The following TOLLIP variants were observed in gnomAD, a reference collection of about 807,000 sequenced individuals.
TOLLIP encodes toll interacting protein.
A neutral mutation model predicts 33.5 loss-of-function variants in TOLLIP; 16 were observed. That is an observed-to-expected ratio of 0.48 (90% CI 0.32 to 0.72). TOLLIP has a LOEUF of 0.72. Ranked by LOEUF, TOLLIP falls within the 30% of genes least tolerant of loss-of-function variation. The pLI is 0.03. For missense variants in TOLLIP, 325 were observed against 396.6 expected, an observed-to-expected ratio of 0.82 and a Z score of 1.53; for synonymous variants, 176 against 163.7, an observed-to-expected ratio of 1.07 and a Z score of -0.57.
chr11:1,284,940 C>G (rs754655632), intron 5 of TOLLIP, among the ~76,000 whole-genome samples: 7 of 152,108 alleles, frequency 4.6e-5, no homozygotes, highest in African/African-American at 1.4e-4. Context: ...GGCGAGGTCC[C>G]GACTCCCAAG....
At chr11:1,291,652 C>T (rs1254695392) in intron 2 of TOLLIP, among the ~76,000 whole-genome samples, 5 of 150,662 alleles carry the variant, frequency 3.3e-5, no homozygotes, top group South Asian at 2.1e-4. Context: ...TCTGAGGGCA[C>T]GGCCGCCCCG....
At chr11:1,288,592 T>C in intron 4 of TOLLIP, 32 bp downstream of exon 4, 2 of 1,586,200 alleles carry the variant, frequency 1.3e-6, no homozygotes, top group Non-Finnish European at 1.7e-6. Context: ...CATACCCCAA[T>C]GCGCCCCACC....
Position 1,304,942 on chromosome 11 carries a change from T to C in TOLLIP, c.33+4524A>G, listed in dbSNP as rs571431741. On this transcript the variant is annotated intron_variant, in intron 1 of 5. Transcript: ENST00000317204. ...CATCAAAAGACTTAGTCTTCTTAGATTTGACTTTTTAAAAATCCAGCTACG... is the reference window on the plus strand; with the variant it reads ...CATCAAAAGACTTAGTCTTCTTAGACTTGACTTTTTAAAAATCCAGCTACG... Among the ~76,000 whole-genome samples the C allele has an allele frequency of 3.3e-5, 5 of 152,372 alleles. No individual in the cohort carries two copies. In the South Asian group the frequency reaches 6.2e-4, roughly 19 times the overall value.
intron 1 of TOLLIP, among the ~76,000 whole-genome samples, chr11:1,297,541 CTT>C (rs1864147631): frequency 6.6e-6 from 1 of 152,256 alleles, no homozygotes; most frequent in African/African-American, 2.4e-5. Context: ...CTCAACCGCT[CTT>C]CTCTAAAAAG....
intron 1 of TOLLIP, chr11:1,298,454 TCC>T (rs1452265254): frequency 6.6e-6 from 1 of 152,230 alleles, no homozygotes; most frequent in African/African-American, 2.4e-5. Flanking sequence ...GCACTGTGGG[TCC>T]CTCGCTGCTC....
intron 2 of TOLLIP, among the ~76,000 whole-genome samples, chr11:1,291,448 C>T (rs1397366128): frequency 1.3e-5 from 2 of 151,680 alleles, no homozygotes; most frequent in Non-Finnish European, 2.9e-5. Flanking sequence ...GACACTGCCC[C>T]CCGACCCCCT....
Position 1,277,356 on chromosome 11 carries a change from G to A in TOLLIP, c.611-103C>T. On this transcript the variant is annotated intron_variant, in intron 5 of 5. Coordinates refer to ENST00000317204, the MANE Select transcript of TOLLIP (RefSeq NM_019009.4). The surrounding 1 kb of genome is among the most constrained non-coding windows in gnomAD (Gnocchi z 4.2). ...AACAACGCATCCCACCGGCCTCCCT[G>A]AGGAAGGGGCCACCTCGGGTCTCAG... 1.0e-6 allele frequency: 1 copy of A among 975,108 alleles called. No individual in the cohort carries two copies. The highest frequency in any genetic ancestry group is 1.5e-6 in the Non-Finnish European group (1 of 685,022). The allele number at this position is 975,108 out of a possible 1,614,324, so 60.4% of individuals were successfully genotyped here. A position where few individuals can be genotyped will look rare whatever the true frequency, so the allele number is the denominator to read the frequency against.
intron 2 of TOLLIP, among the ~76,000 whole-genome samples, chr11:1,293,039 C>G (rs533650906): frequency 6.6e-6 from 1 of 152,102 alleles, no homozygotes; most frequent in African/African-American, 2.4e-5. Flanking sequence ...AGGGGCTGAG[C>G]GGGGGCAGTG....
In TOLLIP at chr11:1,276,595, T is replaced by G. The variant is rs1863309537; in HGVS notation, c.*444A>C. 1 of 1,162,460 alleles carries G rather than the reference T, an allele frequency of 8.6e-7. No individual in the cohort carries two copies. The allele number at this position is 1,162,460 out of a possible 1,614,324, so 72.0% of individuals were successfully genotyped here. ...AGGGCGTGAGTTTTCGTCTGGGAAG[T>G]TCTAAAAAAAACCCACAGTGTGAGG... On this transcript the variant is annotated 3_prime_UTR_variant, in exon 6 of 6. Transcript: ENST00000317204.
chr11:1,281,335 C>T (rs1564965042), intron 5 of TOLLIP, among the ~76,000 whole-genome samples: 1 of 152,182 alleles, frequency 6.6e-6, no homozygotes, highest in Non-Finnish European at 1.5e-5. Flanking sequence ...GACCTCAGCG[C>T]CCCGGCTTCT....
chr11:1,290,266 G>A lies in TOLLIP; in HGVS notation c.327C>T (p.Pro109=). 1 of 1,613,548 alleles carries A rather than the reference G, an allele frequency of 6.2e-7. No individual in the cohort carries two copies. Among genetic ancestry groups the A allele is most frequent in the African/African-American group, 1.3e-5 (1 of 75,068 alleles). The change falls in exon 3 of 6, where the codon CCC becomes CCT. Residue 109 remains proline (P), a synonymous_variant. Transcript: ENST00000317204. This position sits in a 1 kb window ranked among gnomAD's most constrained non-coding sequence, Gnocchi z 4.9. The part of the protein sequence containing the change: ...RWNKVIHCTV[P]PGVDSFYLEI... Reference sequence around the variant, plus strand: ...CGAGATAGAAAGAGTCCACGCCTGGGGGCACCGTGCAGTGGATGACCTTAT... The same window carrying A: ...CGAGATAGAAAGAGTCCACGCCTGGAGGCACCGTGCAGTGGATGACCTTAT...
At chr11:1,279,055 C>T (rs901762125) in intron 5 of TOLLIP, among the ~76,000 whole-genome samples, 3 of 152,252 alleles carry the variant, frequency 2.0e-5, no homozygotes, top group African/African-American at 7.2e-5. Flanking sequence ...CCACTCTCTC[C>T]AGCCTTTACC....
intron 1 of TOLLIP, among the ~76,000 whole-genome samples, chr11:1,308,620 C>T (rs1484355598): frequency 2.0e-5 from 3 of 152,236 alleles, no homozygotes; most frequent in Admixed American, 6.5e-5. Context: ...GAAGAAACTG[C>T]CAGGCAACTC....
In TOLLIP at chr11:1,309,604, C is replaced by T; in HGVS notation, c.-106G>A. 2 of 445,382 alleles carry T rather than the reference C, an allele frequency of 4.5e-6. No homozygotes were observed. Among genetic ancestry groups the T allele is most frequent in the East Asian group, 8.6e-5 (2 of 23,194 alleles). The allele number at this position is 445,382 out of a possible 1,614,324, so 27.6% of individuals were successfully genotyped here. ...ACGGAGACAGTTGTCACCTCGAGGC[C>T]GCCGCCGCCACAGTCAGCTGACAGC... On this transcript the variant is annotated 5_prime_UTR_variant, in exon 1 of 6. Coordinates refer to ENST00000317204, the MANE Select transcript of TOLLIP (RefSeq NM_019009.4).
At chr11:1,309,436 C>T in intron 1 of TOLLIP, 30 bp downstream of exon 1, 1 of 1,267,588 alleles carries the variant, frequency 7.9e-7, no homozygotes, top group South Asian at 2.2e-5. Context: ...AGGTCACCGC[C>T]CCCGCCCGAC....
chr11:1,301,071 C>A (rs1864262142), intron 1 of TOLLIP, among the ~76,000 whole-genome samples: 1 of 152,272 alleles, frequency 6.6e-6, no homozygotes, highest in Non-Finnish European at 1.5e-5. Flanking sequence ...AACTAAAATG[C>A]TTCTAGCACT....
intron 5 of TOLLIP, among the ~76,000 whole-genome samples, chr11:1,283,839 G>A (rs1012176948): frequency 2.6e-5 from 4 of 152,120 alleles, no homozygotes; most frequent in African/African-American, 4.8e-5. Context: ...TGGAGGAGAC[G>A]GGGAGGATCC....
chr11:1,280,065 T>C (rs935381361), intron 5 of TOLLIP, among the ~76,000 whole-genome samples: 3 of 152,220 alleles, frequency 2.0e-5, no homozygotes, highest in Admixed American at 2.0e-4. Context: ...GCGACCAAGT[T>C]AGCGGGTTAA....
intron 3 of TOLLIP, among the ~76,000 whole-genome samples, chr11:1,289,807 G>A (rs1245841322): frequency 2.1e-5 from 3 of 140,914 alleles, no homozygotes; most frequent in Non-Finnish European, 3.0e-5. Flanking sequence ...GCGGCCAGAC[G>A]AGTGCCCAGT....
Sources: allele counts gnomAD v4.1 joint callset (sites outside exome capture counted in the v4.1 genomes callset), GRCh38; gene constraint gnomAD v4.1.1; non-coding constraint Gnocchi (gnomAD v3.1); transcripts MANE v1.5; gene names NCBI Gene and HGNC (gene_info 2026-07-23, HGNC 2026-07-21).